RUNDC3A: variants seen among roughly 807,000 people sequenced by gnomAD.
The protein encoded by RUNDC3A is RUN domain containing 3A.
RUNDC3A carries 28 observed loss-of-function variants against 53.9 expected under a neutral mutation model. The observed-to-expected ratio is 0.52, with a 90% confidence interval of 0.38 to 0.71. The LOEUF is 0.71. Among genes scored for constraint, RUNDC3A ranks in the 30% least tolerant of loss-of-function variants. The probability of loss-of-function intolerance (pLI) is 0.00; values close to 1 mark genes in which losing one functional copy is unlikely to be tolerated. For synonymous variants in RUNDC3A, 232 were observed against 249.4 expected (o/e 0.93, Z 0.66); for missense variants, 491 against 597.3 (o/e 0.82, Z 1.85).
At chr17:44,313,906 G>T (rs1394444094) in intron 4 of RUNDC3A, 15 of 925,798 alleles carry the variant, frequency 1.6e-5, no homozygotes, top group Non-Finnish European at 1.7e-5. Context: ...CCAACCTCAG[G>T]TGATCCTCCC....
At position 44,318,116 on chromosome 17, in the gene RUNDC3A, ATGCTGGG is replaced by A; in HGVS notation, c.1220_1226del (p.Met407ThrfsTer25). 1.7e-5 allele frequency: 27 copies of A among 1,551,454 alleles called. No homozygotes were observed. Among genetic ancestry groups the A allele is most frequent in the Non-Finnish European group, 2.4e-5 (27 of 1,146,902 alleles). On this transcript the variant is annotated frameshift_variant, in exon 11 of 11. Transcript: ENST00000426726. LOFTEE classifies it high-confidence loss of function. ...CCCAGGGAAGGACCCCACGCCCTCC[ATGCTGGG>A]CCTCTGCGGCTCCCTGGCCTCCATT...
At chr17:44,316,592 G>A (rs1166273621) in intron 9 of RUNDC3A, 27 bp from the exon 10 acceptor site, 2 of 1,561,368 alleles carry the variant, frequency 1.3e-6, no homozygotes, top group Non-Finnish European at 1.7e-6. Flanking sequence ...TTCCTCTACC[G>A]GCGCACCAGC....
Position 44,315,168 on chromosome 17 carries a change from A to C in RUNDC3A, c.643A>C (p.Thr215Pro). The C allele has an allele frequency of 6.4e-7, 1 of 1,569,714 alleles. No homozygotes were observed. Among genetic ancestry groups the C allele is most frequent in the Non-Finnish European group, 8.6e-7 (1 of 1,157,218 alleles). ...CCCTCTCCCAAGCTACGACTACCTG[A>C]CGGACGAGGAGGAGCGGCACAGCGC... ...LKFTQSYDYL[T>P]DEEERHSAES... The change falls in exon 7 of 11, where the codon ACG (threonine) becomes CCG (proline). Residue 215 changes from threonine to proline, a missense_variant. Physicochemically the swap from Thr to Pro is conservative, Grantham distance 38 (BLOSUM62 -1). This residue lies in a region of RUNDC3A where 273 missense variants were observed against 389.0 expected (regional missense o/e 0.70). Transcript: ENST00000426726. This position sits in a 1 kb window ranked among gnomAD's most constrained non-coding sequence, Gnocchi z 6.1.
In RUNDC3A at chr17:44,313,086, C is replaced by T; in HGVS notation, c.224-18C>T. The T allele has an allele frequency of 2.5e-6, 4 of 1,612,032 alleles. No homozygotes were observed. The highest frequency in any genetic ancestry group is 3.4e-6 in the Non-Finnish European group (4 of 1,178,284). On this transcript the variant is annotated intron_variant, in intron 2 of 10. Transcript: ENST00000426726. ...AAACTCCCTGGTCTTGCTGAGCCCCCTCCCTGCCCTGGCTCAGCCTGTGCC... is the reference window on the plus strand; with the variant it reads ...AAACTCCCTGGTCTTGCTGAGCCCCTTCCCTGCCCTGGCTCAGCCTGTGCC...
intron 1 of RUNDC3A, 52 bp downstream of exon 1, chr17:44,308,991 G>A (rs2047697002): frequency 7.8e-7 from 1 of 1,286,944 alleles, no homozygotes; most frequent in Non-Finnish European, 1.1e-6. Flanking sequence ...AGGGGTTGGG[G>A]TGGACTGCGG....
At chr17:44,311,880 T>G (rs954881156) in intron 1 of RUNDC3A, among the ~76,000 whole-genome samples, 2 of 152,006 alleles carry the variant, frequency 1.3e-5, no homozygotes, top group African/African-American at 4.8e-5. Context: ...TGCCCCCTCC[T>G]GCCCAGTGTC....
chr17:44,318,071 G>A, intron 10 of RUNDC3A, 25 bp from the exon 11 acceptor site: 1 of 1,547,976 alleles, frequency 6.5e-7, no homozygotes, highest in South Asian at 1.2e-5. Context: ...CTGGTCGCTT[G>A]GCCTCACCTG....
At chr17:44,317,929 G>A (rs757372718) in intron 10 of RUNDC3A, 167 bp from the exon 11 acceptor site, 1 of 646,558 alleles carries the variant, frequency 1.5e-6, no homozygotes. Flanking sequence ...ACGGTGCCTG[G>A]CACAGGCAGG....
intron 10 of RUNDC3A, chr17:44,317,675 G>A (rs1266513059): frequency 1.5e-6 from 1 of 655,864 alleles, no homozygotes; most frequent in African/African-American, 1.8e-5. Context: ...TCTTCTTTGA[G>A]ACAAGGCAGG....
At chr17:44,317,684 G>A in intron 10 of RUNDC3A, 1 of 648,406 alleles carries the variant, frequency 1.5e-6, no homozygotes, top group Non-Finnish European at 2.8e-6. Flanking sequence ...AGACAAGGCA[G>A]GCTGTGGCCA....
At position 44,313,245 on chromosome 17, in the gene RUNDC3A, G is replaced by T; in HGVS notation, c.365G>T (p.Arg122Leu). ...IENMENISTA[R>L]AKGRAWIRVA... ...AACATGGAGAACATCAGCACAGCCC[G>T]GGCCAAGGTGAGGGGCCTGAAGCAA... The change falls in exon 3 of 11, where the codon CGG becomes CTG. Residue 122 changes from arginine (R) to leucine (L), a missense_variant. Physicochemically the swap from Arg to Leu is moderately radical, Grantham distance 102. Transcript: ENST00000426726. The T allele has an allele frequency of 6.2e-7, 1 of 1,613,884 alleles. No homozygotes were observed. The highest frequency in any genetic ancestry group is 8.5e-7 in the Non-Finnish European group (1 of 1,179,834).
At chr17:44,311,444 C>A in intron 1 of RUNDC3A, 1 of 699,758 alleles carries the variant, frequency 1.4e-6, no homozygotes, top group Non-Finnish European at 1.8e-6. Context: ...CTTGGACCAT[C>A]AATTTCTTTA....
At chr17:44,314,564 T>G in intron 4 of RUNDC3A, 171 bp from the exon 5 acceptor site, 2 of 1,439,856 alleles carry the variant, frequency 1.4e-6, no homozygotes, top group Non-Finnish European at 1.8e-6. Flanking sequence ...GGGCCACAGG[T>G]GCGAGCCCCA....
chr17:44,316,754 C>T, intron 10 of RUNDC3A, 29 bp downstream of exon 10: 12 of 1,486,420 alleles, frequency 8.1e-6, no homozygotes, highest in Non-Finnish European at 1.1e-5. Context: ...ACACCCAGTA[C>T]CCCTCCAGAA....
intron 10 of RUNDC3A, 96 bp downstream of exon 10, chr17:44,316,821 T>A (rs1035150324): frequency 9.6e-4 from 24 of 25,098 alleles, no homozygotes; most frequent in East Asian, 1.4e-3. Context: ...TCTCTTAGTC[T>A]TTTTTTTTTT....
In RUNDC3A at chr17:44,314,593, G is replaced by A. The variant is rs1598327836; in HGVS notation, c.459-142G>A. 2.1e-6 allele frequency: 3 copies of A among 1,453,762 alleles called. No individual in the cohort carries two copies. The South Asian group carries it at 4.3e-5, about 21-fold the overall frequency. 90.1% of individuals were successfully genotyped at this position (1,453,762 alleles called of 1,614,324 possible). A position where few individuals can be genotyped will look rare whatever the true frequency, so the allele number is the denominator to read the frequency against. On this transcript the variant is annotated intron_variant, in intron 4 of 10. Transcript: ENST00000426726. ...AGCCCCAGGCTGAAGGGGGAGAGAG[G>A]CTCCAGGCCTGCGTGCAGATCAGGA...
Position 44,315,652 on chromosome 17 carries a change from G to A in RUNDC3A, c.953+43G>A. 1 of 1,311,226 alleles carries A rather than the reference G, an allele frequency of 7.6e-7. No individual in the cohort carries two copies. 81.2% of individuals were successfully genotyped at this position (1,311,226 alleles called of 1,614,324 possible). A position where few individuals can be genotyped will look rare whatever the true frequency, so the allele number is the denominator to read the frequency against. ...CCTAACCCCTGACCCCCGCCGCCCCGACCACATCACCGGGTGAACCCCATC... is the reference window on the plus strand; with the variant it reads ...CCTAACCCCTGACCCCCGCCGCCCCAACCACATCACCGGGTGAACCCCATC... On this transcript the variant is annotated intron_variant, in intron 8 of 10. Coordinates refer to ENST00000426726, the MANE Select transcript of RUNDC3A (RefSeq NM_001144825.2). This position sits in a 1 kb window ranked among gnomAD's most constrained non-coding sequence, Gnocchi z 6.1.
chr17:44,313,678 CTTTTTTTT>C, intron 4 of RUNDC3A, 175 bp downstream of exon 4: 2 of 1,082,534 alleles, frequency 1.8e-6, no homozygotes, highest in Non-Finnish European at 2.3e-6. Flanking sequence ...AGGACGAACT[CTTTTTTTT>C]TTTTTTTTTT....
At chr17:44,309,166 G>C (rs2047700992) in intron 1 of RUNDC3A, among the ~76,000 whole-genome samples, 1 of 152,126 alleles carries the variant, frequency 6.6e-6, no homozygotes, top group South Asian at 2.1e-4. Flanking sequence ...CCTGGGGGGT[G>C]AGGGGTGTTT....
Sources: gnomAD v4.1 joint callset for allele counts (sites outside exome capture counted in the v4.1 genomes callset) on GRCh38, gnomAD v4.1.1 for gene constraint, gnomAD v4.1.1 regional missense constraint, Gnocchi (gnomAD v3.1) non-coding constraint, MANE v1.5 for transcripts, NCBI Gene and HGNC (gene_info 2026-07-23, HGNC 2026-07-21) for gene names.